NOS1: variants seen among roughly 807,000 people sequenced by gnomAD.
The protein encoded by NOS1 is nitric oxide synthase 1.
A neutral mutation model predicts 164.5 loss-of-function variants in NOS1; 51 were observed. That is an observed-to-expected ratio of 0.31 (90% CI 0.25 to 0.39). The LOEUF is 0.39. Among genes scored for constraint, NOS1 ranks in the 10% least tolerant of loss-of-function variants. The probability of loss-of-function intolerance (pLI) is 1.00; values close to 1 mark genes in which losing one functional copy is unlikely to be tolerated. For missense variants in NOS1, 1,362 were observed against 1,885.6 expected (o/e 0.72, Z 5.14); for synonymous variants, 719 against 745.8 (o/e 0.96, Z 0.59).
At chr12:117,242,926 C>T (rs1870302591) in intron 19 of NOS1, among the ~76,000 whole-genome samples, 1 of 152,204 alleles carries the variant, frequency 6.6e-6, no homozygotes, top group Non-Finnish European at 1.5e-5. Context: ...ATTGTATTCA[C>T]CCTCTACTGA....
intron 19 of NOS1, among the ~76,000 whole-genome samples, chr12:117,242,934 T>G (rs1430803053): frequency 6.6e-6 from 1 of 152,162 alleles, no homozygotes; most frequent in Non-Finnish European, 1.5e-5. Flanking sequence ...CACCCTCTAC[T>G]GACACTTCCA....
intron 2 of NOS1, among the ~76,000 whole-genome samples, chr12:117,328,094 T>C (rs1229369830): frequency 6.6e-6 from 1 of 152,038 alleles, no homozygotes; most frequent in African/African-American, 2.4e-5. Flanking sequence ...CACAGGATCT[T>C]CTCTCTACCT....
intron 2 of NOS1, among the ~76,000 whole-genome samples, chr12:117,329,994 G>A (rs1045032756): frequency 6.6e-6 from 1 of 152,140 alleles, no homozygotes; most frequent in Non-Finnish European, 1.5e-5. Context: ...CCTCCACTCC[G>A]AGCCTCCGTC....
At chr12:117,280,937 G>A (rs903116298) in intron 7 of NOS1, 71 bp from the exon 8 acceptor site, 63 of 1,536,284 alleles carry the variant, frequency 4.1e-5, no homozygotes, top group East Asian at 6.8e-5. Context: ...TAAACATGGC[G>A]CCACCCAGGG....
At chr12:117,226,963 G>C (rs1475211083) in intron 23 of NOS1, among the ~76,000 whole-genome samples, 193 bp from the exon 24 acceptor site, 2 of 152,138 alleles carry the variant, frequency 1.3e-5, no homozygotes, top group African/African-American at 2.4e-5. Flanking sequence ...CAACCACCCA[G>C]GGTTCTATTG....
intron 11 of NOS1, among the ~76,000 whole-genome samples, chr12:117,267,326 C>T (rs113762672): frequency 6.6e-6 from 1 of 152,200 alleles, no homozygotes; most frequent in African/African-American, 2.4e-5. Context: ...GTGATTCACG[C>T]CTGTAATCCC....
chr12:117,350,855 T>C (rs1593043267), intron 1 of NOS1, among the ~76,000 whole-genome samples: 1 of 152,202 alleles, frequency 6.6e-6, no homozygotes, highest in Non-Finnish European at 1.5e-5. Context: ...GGCTCAAGCC[T>C]GTAATCCCAG....
Position 117,227,636 on chromosome 12 carries a change from C to T in NOS1, c.3411G>A (p.Leu1137=). 1 of 1,614,036 alleles carries T rather than the reference C, an allele frequency of 6.2e-7. No individual in the cohort carries two copies. The highest frequency in any genetic ancestry group is 8.5e-7 in the Non-Finnish European group (1 of 1,179,892). ...CCCATTTCCATTCCTCGTACTCCTGCAAACCCTGTGCCAAGGAGATGGACA... is the reference window on the plus strand; with the variant it reads ...CCCATTTCCATTCCTCGTACTCCTGTAAACCCTGTGCCAAGGAGATGGACA... ...KQRLLVLSKG[L]QEYEEWKWGK... is the part of the protein sequence containing the mutation. The change falls in exon 23 of 29, where the codon TTG becomes TTA. Residue 1137 remains leucine (L), a synonymous_variant. Coordinates refer to ENST00000317775, the MANE Select transcript of NOS1 (RefSeq NM_000620.5).
chr12:117,325,255 G>A (rs986485534), intron 2 of NOS1, among the ~76,000 whole-genome samples: 3 of 152,214 alleles, frequency 2.0e-5, no homozygotes, highest in South Asian at 2.1e-4. Flanking sequence ...CCAGGCAGCC[G>A]TGTGCTCTAA....
chr12:117,296,987 G>A (rs764102859), intron 3 of NOS1, among the ~76,000 whole-genome samples: 1 of 152,226 alleles, frequency 6.6e-6, no homozygotes, highest in Non-Finnish European at 1.5e-5. Flanking sequence ...ACTGTGAGCT[G>A]TAAATTTCTG....
At chr12:117,253,936 G>A (rs558371228) in intron 16 of NOS1, among the ~76,000 whole-genome samples, 182 bp from the exon 17 acceptor site, 2 of 152,164 alleles carry the variant, frequency 1.3e-5, no homozygotes, top group South Asian at 4.2e-4. Context: ...CCACCACAGT[G>A]GTAACTGTTC....
chr12:117,291,059 C>G (rs1316521685), intron 3 of NOS1, among the ~76,000 whole-genome samples: 1 of 151,884 alleles, frequency 6.6e-6, no homozygotes, highest in Non-Finnish European at 1.5e-5. Context: ...TTAAAAAATA[C>G]AAAAATTAGC....
intron 2 of NOS1, among the ~76,000 whole-genome samples, chr12:117,324,528 G>A (rs955299375): frequency 2.0e-5 from 3 of 152,154 alleles, no homozygotes; most frequent in African/African-American, 4.8e-5. Flanking sequence ...CTAGGAGTTT[G>A]AGACCAGCCT....
chr12:117,301,319 C>T (rs542533443), intron 3 of NOS1, among the ~76,000 whole-genome samples: 17 of 152,130 alleles, frequency 1.1e-4, no homozygotes, highest in African/African-American at 3.6e-4. Context: ...TTAGTAGAAA[C>T]GGTTTCACCA....
intron 2 of NOS1, among the ~76,000 whole-genome samples, chr12:117,319,212 T>C (rs1204110256): frequency 1.4e-5 from 2 of 147,832 alleles, no homozygotes; most frequent in East Asian, 2.1e-4. Flanking sequence ...CCACCATCCC[T>C]GACTAGTTTT....
chr12:117,317,790 G>A (rs1874733503), intron 2 of NOS1, among the ~76,000 whole-genome samples: 1 of 152,086 alleles, frequency 6.6e-6, no homozygotes, highest in African/African-American at 2.4e-5. Flanking sequence ...GCATTGTGGT[G>A]GCCAGTGTGG....
chr12:117,208,551 TAAC>T lies in NOS1; in HGVS notation c.*6755_*6757del, dbSNP rs1956478049. On this transcript the variant is annotated 3_prime_UTR_variant, in exon 29 of 29. Transcript: ENST00000317775. ...ACTGCTGAGCCAGGAGTGTGAGTCTTAACAATCACAACGAGAACACAACAATGA... is the reference window on the plus strand; with the variant it reads ...ACTGCTGAGCCAGGAGTGTGAGTCTTAATCACAACGAGAACACAACAATGA... 2 of 1,208,410 alleles carry T rather than the reference TAAC, an allele frequency of 1.7e-6. No individual in the cohort carries two copies. The highest frequency in any genetic ancestry group is 2.9e-5 in the South Asian group (2 of 68,438). 74.9% of individuals were successfully genotyped at this position (1,208,410 alleles called of 1,614,324 possible).
intron 3 of NOS1, among the ~76,000 whole-genome samples, chr12:117,300,413 CA>C (rs1448782689): frequency 6.6e-6 from 1 of 152,134 alleles, no homozygotes; most frequent in East Asian, 1.9e-4. Flanking sequence ...GGGCTGAACC[CA>C]AACACTAGTC....
chr12:117,312,068 T>A (rs1218739315), intron 2 of NOS1, among the ~76,000 whole-genome samples: 1 of 152,162 alleles, frequency 6.6e-6, no homozygotes, highest in Non-Finnish European at 1.5e-5. Context: ...ATTCTGACCC[T>A]GGCTAAGACT....
Sources: gnomAD v4.1 joint callset for allele counts (sites outside exome capture counted in the v4.1 genomes callset) on GRCh38, gnomAD v4.1.1 for gene constraint, MANE v1.5 for transcripts, NCBI Gene and HGNC (gene_info 2026-07-23, HGNC 2026-07-21) for gene names.